FNIP2: variants seen among roughly 807,000 people sequenced by gnomAD.
The protein encoded by FNIP2 is folliculin-interacting protein 2.
FNIP2 carries 32 observed loss-of-function variants against 108.7 expected under a neutral mutation model. That is an observed-to-expected ratio of 0.29 (90% CI 0.22 to 0.40). The LOEUF is 0.40. Ranked by LOEUF, FNIP2 falls within the 10% of genes least tolerant of loss-of-function variation. The probability of loss-of-function intolerance (pLI) is 1.00; values close to 1 mark genes in which losing one functional copy is unlikely to be tolerated. For missense variants in FNIP2, 1,202 were observed against 1,381.6 expected (o/e 0.87, Z 2.06); for synonymous variants, 480 against 496.7 (o/e 0.97, Z 0.45).
intron 12 of FNIP2, among the ~76,000 whole-genome samples, chr4:158,862,912 T>G (rs994117547): frequency 6.6e-6 from 1 of 152,258 alleles, no homozygotes; most frequent in African/African-American, 2.4e-5. Flanking sequence ...ACAATGCTAA[T>G]TAAGTAGTGT....
intron 14 of FNIP2, chr4:158,871,919 G>A (rs932241158): frequency 2.0e-6 from 2 of 985,184 alleles, no homozygotes; most frequent in East Asian, 2.3e-4. Flanking sequence ...CTGTATTTAT[G>A]TGTGTTTAGT....
intron 8 of FNIP2, among the ~76,000 whole-genome samples, chr4:158,856,997 G>A (rs1780022843): frequency 6.6e-6 from 1 of 152,178 alleles, no homozygotes; most frequent in Non-Finnish European, 1.5e-5. Context: ...GGAGGGTTAT[G>A]GTGAAGCAAG....
intron 12 of FNIP2, among the ~76,000 whole-genome samples, chr4:158,866,387 T>G (rs1780583622): frequency 6.7e-6 from 1 of 149,546 alleles, no homozygotes; most frequent in Non-Finnish European, 1.5e-5. Context: ...CTGGCTAATT[T>G]TTGTATTTTG....
chr4:158,847,593 A>G (rs575251735), intron 7 of FNIP2, among the ~76,000 whole-genome samples: 9 of 152,280 alleles, frequency 5.9e-5, no homozygotes, highest in African/African-American at 1.9e-4. Flanking sequence ...ACGTGACATG[A>G]CCTAGCACAG....
At chr4:158,817,793 C>T (rs557810028) in intron 1 of FNIP2, among the ~76,000 whole-genome samples, 8 of 152,340 alleles carry the variant, frequency 5.3e-5, no homozygotes, top group Admixed American at 4.6e-4. Context: ...GATCTGCCTG[C>T]CTCGGCCTCC....
chr4:158,863,808 GT>G (rs1405557981), intron 12 of FNIP2, among the ~76,000 whole-genome samples: 2 of 136,562 alleles, frequency 1.5e-5, no homozygotes, highest in Middle Eastern at 3.6e-3. Flanking sequence ...GACTGAAGTA[GT>G]TCCATATAGG....
chr4:158,807,092 C>T (rs1777009752), intron 1 of FNIP2, among the ~76,000 whole-genome samples: 1 of 152,012 alleles, frequency 6.6e-6, no homozygotes, highest in Non-Finnish European at 1.5e-5. Context: ...AATTTTATTG[C>T]ATATCAATAA....
chr4:158,880,181 T>C (rs2126739366), intron 14 of FNIP2, among the ~76,000 whole-genome samples: 1 of 151,392 alleles, frequency 6.6e-6, no homozygotes, highest in Non-Finnish European at 1.5e-5. Flanking sequence ...TAGCAAAGAC[T>C]TGGAACCAAC....
chr4:158,904,645 C>A lies in FNIP2; in HGVS notation c.*101C>A. 1.0e-6 allele frequency: 1 copy of A among 995,354 alleles called. No individual in the cohort carries two copies. The highest frequency in any genetic ancestry group is 1.5e-6 in the Non-Finnish European group (1 of 650,774). The allele number at this position is 995,354 out of a possible 1,614,324, so 61.7% of individuals were successfully genotyped here. A position where few individuals can be genotyped will look rare whatever the true frequency, so the allele number is the denominator to read the frequency against. ...TGTGATGTCAAAAGCATGAGAAGAGCAAACAGAAACAGTCATTCCACCTTT... is the reference window on the plus strand; with the variant it reads ...TGTGATGTCAAAAGCATGAGAAGAGAAAACAGAAACAGTCATTCCACCTTT... On this transcript the variant is annotated 3_prime_UTR_variant, in exon 17 of 17. Transcript: ENST00000264433.
intron 1 of FNIP2, among the ~76,000 whole-genome samples, chr4:158,772,260 T>C (rs1775722196): frequency 6.6e-6 from 1 of 152,244 alleles, no homozygotes; most frequent in African/African-American, 2.4e-5. Flanking sequence ...ATGTGTACAG[T>C]GACTCAAGTC....
chr4:158,770,798 A>G (rs1176416323), intron 1 of FNIP2, among the ~76,000 whole-genome samples: 1 of 152,184 alleles, frequency 6.6e-6, no homozygotes, highest in African/African-American at 2.4e-5. Flanking sequence ...CAGGGGTACA[A>G]AGCCTGGAGC....
intron 1 of FNIP2, among the ~76,000 whole-genome samples, chr4:158,770,139 A>C (rs574823321): frequency 1.4e-4 from 21 of 151,948 alleles, no homozygotes; most frequent in African/African-American, 4.8e-4. Context: ...CCCAAAATCC[A>C]GCTGTCAGTG....
rs1223907923 is a variant in FNIP2 at position 158,769,290 on chromosome 4, C to T, written c.78C>T (p.Gly26=). The change falls in exon 1 of 17, where the codon GGC becomes GGT. Residue 26 remains glycine, a synonymous_variant. Coordinates refer to ENST00000264433, the MANE Select transcript of FNIP2 (RefSeq NM_020840.3). ...SGSSAAASAQ[G]RAPKEGPAFS... ...GCTCCGCGGCGGCGTCTGCCCAGGG[C>T]AGGGCTCCTAAGGAAGGACCCGCCT... 3.9e-6 allele frequency: 6 copies of T among 1,535,500 alleles called. No individual in the cohort carries two copies. Among genetic ancestry groups the T allele is most frequent in the South Asian group, 3.6e-5 (3 of 83,142 alleles).
chr4:158,829,807 A>T (rs1179386191), intron 3 of FNIP2, among the ~76,000 whole-genome samples: 1 of 152,164 alleles, frequency 6.6e-6, no homozygotes, highest in Non-Finnish European at 1.5e-5. Context: ...TGTTTTATAA[A>T]TATTGAATGG....
intron 14 of FNIP2, among the ~76,000 whole-genome samples, chr4:158,887,078 A>G (rs753626319): frequency 1.3e-5 from 2 of 152,182 alleles, no homozygotes; most frequent in Non-Finnish European, 2.9e-5. Flanking sequence ...GCGTTGGGGT[A>G]CAGGCATGCC....
At chr4:158,804,413 CTT>C (rs35175799) in intron 1 of FNIP2, among the ~76,000 whole-genome samples, 9 of 135,562 alleles carry the variant, frequency 6.6e-5, no homozygotes, top group African/African-American at 1.1e-4. Flanking sequence ...GTATTATACA[CTT>C]TTTTTTTTTT....
chr4:158,879,851 A>G (rs1781486453), intron 14 of FNIP2, among the ~76,000 whole-genome samples: 1 of 150,510 alleles, frequency 6.6e-6, no homozygotes, highest in African/African-American at 2.5e-5. Flanking sequence ...AATGCTCACC[A>G]TCACTGGCCA....
At chr4:158,810,071 T>A (rs1330518149) in intron 1 of FNIP2, among the ~76,000 whole-genome samples, 3 of 152,138 alleles carry the variant, frequency 2.0e-5, no homozygotes, top group African/African-American at 7.2e-5. Flanking sequence ...ATAAAAATAG[T>A]CACAGATTTA....
intron 1 of FNIP2, among the ~76,000 whole-genome samples, chr4:158,801,240 T>C (rs989220525): frequency 1.4e-4 from 21 of 152,020 alleles, no homozygotes; most frequent in African/African-American, 5.1e-4. Context: ...AGGAATTGTT[T>C]ATAGGGGTGA....
Sources: allele counts gnomAD v4.1 joint callset (sites outside exome capture counted in the v4.1 genomes callset), GRCh38; gene constraint gnomAD v4.1.1; transcripts MANE v1.5; gene names NCBI Gene and HGNC (gene_info 2026-07-23, HGNC 2026-07-21).